Variants in HDAC9 observed in about 807,000 individuals in gnomAD.
The protein encoded by HDAC9 is histone deacetylase 9, also known as MEF-2 interacting transcription repressor (MITR) protein.
In HDAC9, 41 loss-of-function variants were observed where a neutral mutation model predicts 139.4. The observed-to-expected ratio is 0.29, with a 90% CI of 0.23 to 0.38. The LOEUF is 0.38. HDAC9 is among the 10% of genes least tolerant of loss of function. The pLI is 1.00. For missense variants in HDAC9, 1,147 were observed against 1,297.0 expected, an observed-to-expected ratio of 0.88 and a Z score of 1.78; for synonymous variants, 517 against 476.2, an observed-to-expected ratio of 1.09 and a Z score of -1.12.
rs1230665810 is a variant in HDAC9, at chr7:18,304,078, C to T, written c.-42+13563C>T. Among the ~76,000 whole-genome samples the T allele has an allele frequency of 4.6e-5, 7 of 152,344 alleles. No individual in the cohort carries two copies. In the East Asian group the frequency reaches 1.3e-3, roughly 29 times the overall value. ...TTTCGTTGACCTGGGCTCTGCCCAG[C>T]ATTAGCAAAGTGTTTTGAATCTCCA... is the stretch of plus-strand genomic sequence containing the variant. On this transcript the variant is annotated intron_variant, in intron 1 of 3. Coordinates refer to the HDAC9 transcript ENST00000413509.
At chr7:18,893,776 A>G (rs955302137) in intron 22 of HDAC9, among the ~76,000 whole-genome samples, 3 of 152,128 alleles carry the variant, frequency 2.0e-5, no homozygotes, top group Non-Finnish European at 4.4e-5. Context: ...GGGACAAGGG[A>G]GGTTTGTGAT....
chr7:18,676,890 G>A (rs961672978), intron 12 of HDAC9, among the ~76,000 whole-genome samples: 2 of 151,740 alleles, frequency 1.3e-5, no homozygotes, highest in African/African-American at 4.8e-5. Flanking sequence ...ATGTCCTGGG[G>A]TTTTTGGCAT....
chr7:18,178,152 T>G (rs1413379141), intron 2 of HDAC9, among the ~76,000 whole-genome samples: 3 of 151,492 alleles, frequency 2.0e-5, no homozygotes, highest in Non-Finnish European at 4.4e-5. Context: ...GGCACAATCT[T>G]GGCTTACTGG....
intron 2 of HDAC9, among the ~76,000 whole-genome samples, chr7:18,519,262 A>G (rs552615198): frequency 3.3e-5 from 5 of 152,372 alleles, no homozygotes; most frequent in African/African-American, 1.2e-4. Flanking sequence ...TTAAAAAAGA[A>G]TAATTGTTGA....
chr7:18,567,904 A>G (rs568405303), intron 2 of HDAC9, among the ~76,000 whole-genome samples: 42 of 151,854 alleles, frequency 2.8e-4, no homozygotes, highest in African/African-American at 9.9e-4. Context: ...AAACATTTAA[A>G]TGTCAAATAA....
At chr7:18,106,609 C>T (rs1219761981) in intron 1 of HDAC9, among the ~76,000 whole-genome samples, 1 of 152,126 alleles carries the variant, frequency 6.6e-6, no homozygotes, top group Non-Finnish European at 1.5e-5. Context: ...CACTCTACGA[C>T]ACCTGGCTAA....
chr7:18,519,036 C>T (rs1804133895), intron 2 of HDAC9, among the ~76,000 whole-genome samples: 1 of 152,110 alleles, frequency 6.6e-6, no homozygotes, highest in Non-Finnish European at 1.5e-5. Context: ...CATCTGTGGG[C>T]TCTAAGTGAT....
At chr7:18,710,859 C>T (rs1339767387) in intron 12 of HDAC9, among the ~76,000 whole-genome samples, 1 of 152,102 alleles carries the variant, frequency 6.6e-6, no homozygotes, top group Non-Finnish European at 1.5e-5. Flanking sequence ...AGAGATTAGC[C>T]AGTGGGGAAT....
chr7:18,888,159 C>T (rs71524255), intron 22 of HDAC9, among the ~76,000 whole-genome samples: 31,528 of 151,954 alleles, frequency 0.21, 3,582 homozygotes, highest in South Asian at 0.33. Context: ...CGGTGGCTCC[C>T]GCCTGTAATC....
intron 25 of HDAC9, among the ~76,000 whole-genome samples, chr7:18,978,253 A>G (rs1784676659): frequency 6.6e-6 from 1 of 151,880 alleles, no homozygotes; most frequent in Non-Finnish European, 1.5e-5. Flanking sequence ...GAGTGAGATG[A>G]CTCATTTCAT....
intron 2 of HDAC9, chr7:18,517,792 C>G (rs1474588441): frequency 6.6e-6 from 1 of 152,166 alleles, no homozygotes; most frequent in East Asian, 1.9e-4. Context: ...AGAAAATGGG[C>G]TTTTCGTGCA....
rs1584348678 is a variant in HDAC9 at position 18,629,553 on chromosome 7, A to T, written c.796+72A>T. ...AAAAAAAATAGTTTAGAATAAATAT[A>T]CCTGCTGCATATTAAAAGTTATTTT... On this transcript the variant is annotated intron_variant, in intron 7 of 25. Transcript: ENST00000686413. 14 of 1,371,034 alleles carry T rather than the reference A, an allele frequency of 1.0e-5. No homozygotes were observed. The East Asian group carries it at 1.7e-4, about 17-fold the overall frequency. The allele number at this position is 1,371,034 out of a possible 1,614,324, so 84.9% of individuals were successfully genotyped here. A position where few individuals can be genotyped will look rare whatever the true frequency, so the allele number is the denominator to read the frequency against.
intron 1 of HDAC9, among the ~76,000 whole-genome samples, chr7:18,155,751 G>T (rs1272005326): frequency 1.3e-5 from 2 of 152,196 alleles, no homozygotes; most frequent in East Asian, 3.8e-4. Flanking sequence ...TAAGGGTGAA[G>T]TCAGCAAACC....
At chr7:18,430,531 C>G (rs143743120) in intron 1 of HDAC9, 1 of 152,044 alleles carries the variant, frequency 6.6e-6, no homozygotes, top group African/African-American at 2.4e-5. Context: ...ACCTCAAATT[C>G]TAAATTATAA....
rs189107352 is a variant in HDAC9, at chr7:18,920,795, T to G, written c.2804-15014T>G. 2.4e-3 allele frequency among the ~76,000 whole-genome samples: 365 copies of G among 152,290 alleles called. 2 individuals carry two copies. Among genetic ancestry groups the G allele is most frequent in the African/African-American group, 8.6e-3 (359 of 41,578 alleles). ...GGTTCTGTTTATATGCTGGATTACA[T>G]TTATTGATTTTCGTATGTTGAACCA... On this transcript the variant is annotated intron_variant, in intron 22 of 25. Coordinates refer to ENST00000686413, the MANE Select transcript of HDAC9 (RefSeq NM_178425.4).
At chr7:18,494,813 C>T (rs1175665198), upstream of HDAC9, among the ~76,000 whole-genome samples, 1 of 152,012 alleles carries the variant, frequency 6.6e-6, no homozygotes, top group Non-Finnish European at 1.5e-5. Flanking sequence ...ATGATTTATC[C>T]ATCAACAGGT....
chr7:18,429,465 CT>C (rs1301925037), intron 1 of HDAC9: 3 of 152,104 alleles, frequency 2.0e-5, no homozygotes, highest in Admixed American at 2.0e-4. Context: ...GAAAAGTTAA[CT>C]TTCCCCTGGA....
chr7:18,573,564 C>T lies in HDAC9; in HGVS notation c.23-11717C>T, dbSNP rs1304214671. On this transcript the variant is annotated intron_variant, in intron 2 of 25. Transcript: ENST00000686413. ...CGGCTCGTGCTGCCAGCCCAGAACC[C>T]ACACCTGCCAAGTACGAGCAAGGCG... is the stretch of plus-strand genomic sequence containing the variant. Among the ~76,000 whole-genome samples, 4 of 152,336 alleles carry T rather than the reference C, an allele frequency of 2.6e-5. No individual in the cohort carries two copies. In the East Asian group the frequency reaches 7.7e-4, roughly 29 times the overall value.
At chr7:18,634,078 T>C (rs1344860144) in intron 7 of HDAC9, among the ~76,000 whole-genome samples, 1 of 152,130 alleles carries the variant, frequency 6.6e-6, no homozygotes, top group Non-Finnish European at 1.5e-5. Flanking sequence ...CAGTGCAATG[T>C]TGAGATTTTA....
Sources: gnomAD v4.1 joint callset for allele counts (sites outside exome capture counted in the v4.1 genomes callset) on GRCh38, gnomAD v4.1.1 for gene constraint, MANE v1.5 for transcripts, NCBI Gene and HGNC (gene_info 2026-07-23, HGNC 2026-07-21) for gene names.